The following MYO5A variants were observed in gnomAD, a reference collection of about 807,000 sequenced individuals.
MYO5A encodes unconventional myosin-Va.
MYO5A carries 98 observed loss-of-function variants against 249.7 expected under a neutral mutation model. That is an observed-to-expected ratio of 0.39 (90% CI 0.33 to 0.46). The LOEUF (loss-of-function observed/expected upper bound fraction) is 0.46. Among genes scored for constraint, MYO5A ranks in the 20% least tolerant of loss-of-function variants. The pLI, the probability that MYO5A is intolerant of heterozygous loss-of-function variation, is 0.98. For synonymous variants in MYO5A, 778 were observed against 810.6 expected, an observed-to-expected ratio of 0.96 and a Z score of 0.68; for missense variants, 1,696 against 2,308.8, an observed-to-expected ratio of 0.73 and a Z score of 5.44.
intron 40 of MYO5A, 148 bp downstream of exon 40, chr15:52,316,900 G>C: frequency 5.0e-6 from 4 of 798,762 alleles, no homozygotes; most frequent in Non-Finnish European, 8.1e-6. Flanking sequence ...AAATCTCCTT[G>C]CTTTAAGATT....
chr15:52,459,607 T>C (rs537025311), intron 1 of MYO5A, among the ~76,000 whole-genome samples: 1 of 152,344 alleles, frequency 6.6e-6, no homozygotes, highest in East Asian at 1.9e-4. Flanking sequence ...CTCCCTTTCT[T>C]TTCCCCACAT....
intron 1 of MYO5A, among the ~76,000 whole-genome samples, chr15:52,447,943 T>G (rs1005152285): frequency 1.3e-5 from 2 of 152,244 alleles, no homozygotes; most frequent in African/African-American, 4.8e-5. Context: ...CACAGAAGCC[T>G]GCTGCAGAGG....
intron 9 of MYO5A, among the ~76,000 whole-genome samples, chr15:52,404,677 C>T (rs2042917799): frequency 6.6e-6 from 1 of 152,052 alleles, no homozygotes; most frequent in Non-Finnish European, 1.5e-5. Context: ...AGAGATCTGC[C>T]TGTGAGACGT....
chr15:52,523,668 T>C (rs2077669413), intron 1 of MYO5A, among the ~76,000 whole-genome samples: 3 of 151,970 alleles, frequency 2.0e-5, no homozygotes, highest in Admixed American at 2.0e-4. Context: ...TCAACTGAAA[T>C]TAGAATTGAT....
chr15:52,526,188 ATTTT>A (rs1288932506), intron 1 of MYO5A, among the ~76,000 whole-genome samples: 1 of 151,906 alleles, frequency 6.6e-6, no homozygotes, highest in East Asian at 1.9e-4. Context: ...GTTAAAAAAA[ATTTT>A]TTTTCAACAC....
intron 34 of MYO5A, among the ~76,000 whole-genome samples, chr15:52,335,692 TTCA>T (rs919600972): frequency 2.0e-5 from 3 of 152,168 alleles, no homozygotes; most frequent in East Asian, 1.9e-4. Flanking sequence ...AAGGAATTTT[TTCA>T]TCATCATCAT....
chr15:52,432,333 C>T (rs1043472669), intron 2 of MYO5A, among the ~76,000 whole-genome samples: 3 of 152,274 alleles, frequency 2.0e-5, no homozygotes, highest in African/African-American at 7.2e-5. Flanking sequence ...AAGCATCTGC[C>T]CCAACACAAT....
chr15:52,415,851 G>C (rs2043457308), intron 5 of MYO5A, among the ~76,000 whole-genome samples: 1 of 152,158 alleles, frequency 6.6e-6, no homozygotes, highest in African/African-American at 2.4e-5. Context: ...CAGTTAATGA[G>C]GAGAAGGAAA....
chr15:52,371,537 C>T (rs1308155358), intron 21 of MYO5A, among the ~76,000 whole-genome samples: 1 of 152,084 alleles, frequency 6.6e-6, no homozygotes, highest in Non-Finnish European at 1.5e-5. Flanking sequence ...AAATAAGTAA[C>T]ATACAATATG....
At chr15:52,499,360 AT>A (rs1171978264) in intron 1 of MYO5A, among the ~76,000 whole-genome samples, 3 of 152,156 alleles carry the variant, frequency 2.0e-5, no homozygotes, top group South Asian at 2.1e-4. Flanking sequence ...AACCTTTATC[AT>A]TTTTAAGTAT....
In MYO5A at chr15:52,428,069, T is replaced by C. The variant is rs141988746; in HGVS notation, c.310+329A>G. On this transcript the variant is annotated intron_variant, in intron 3 of 41. Coordinates refer to ENST00000399233, the MANE Select transcript of MYO5A (RefSeq NM_001382347.1). ...TTGAACCTGCTCCAAAGATAAGTCC[T>C]TGGACATCTACTCTTCGTGTAGTAG... 2.3e-3 allele frequency among the ~76,000 whole-genome samples: 356 copies of C among 152,306 alleles called. 1 individual carries two copies. Among genetic ancestry groups the C allele is most frequent in the African/African-American group, 8.4e-3 (347 of 41,556 alleles).
intron 25 of MYO5A, among the ~76,000 whole-genome samples, chr15:52,356,437 T>A (rs904384223): frequency 6.6e-6 from 1 of 152,112 alleles, no homozygotes; most frequent in African/African-American, 2.4e-5. Flanking sequence ...AATAATAATG[T>A]CATTATAATT....
At chr15:52,384,420 T>C in intron 14 of MYO5A, 98 bp from the exon 15 acceptor site, 1 of 1,232,770 alleles carries the variant, frequency 8.1e-7, no homozygotes, top group Non-Finnish European at 1.2e-6. Context: ...CCTTAAGTAA[T>C]CACTGTCAGA....
chr15:52,314,538 C>CA (rs1214229616), intron 40 of MYO5A, among the ~76,000 whole-genome samples: 1 of 152,232 alleles, frequency 6.6e-6, no homozygotes, highest in Non-Finnish European at 1.5e-5. Flanking sequence ...ATGTCCTGAA[C>CA]ACCCCCTCTA....
chr15:52,371,566 T>A (rs1241840837), intron 21 of MYO5A, among the ~76,000 whole-genome samples: 1 of 152,112 alleles, frequency 6.6e-6, no homozygotes, highest in Non-Finnish European at 1.5e-5. Context: ...TCATAAAGGT[T>A]TGAAGCATTA....
chr15:52,319,133 T>C lies in MYO5A; in HGVS notation c.5161A>G (p.Ile1721Val). The stretch of plus-strand genomic sequence containing the variant: ...AGGTTGTTCAGGGTGATGGCCCCTA[T>C]GATGTAGAACATCTGCTTGACCACC... ...KQVVKQMFYIIGAITLNNLLL... is the reference protein window; with the variant it reads ...KQVVKQMFYIVGAITLNNLLL... The change falls in exon 39 of 42, where the codon ATA becomes GTA. Residue 1721 changes from isoleucine (I) to valine (V), a missense_variant. Ile to Val is a conservative substitution (Grantham distance 29). Coordinates refer to ENST00000399233, the MANE Select transcript of MYO5A (RefSeq NM_001382347.1). The C allele has an allele frequency of 1.2e-6, 2 of 1,614,210 alleles. No homozygotes were observed. Among genetic ancestry groups the C allele is most frequent in the Non-Finnish European group, 1.7e-6 (2 of 1,180,036 alleles).
rs1360154310 is a variant in MYO5A at position 52,514,708 on chromosome 15, C to T, written c.27+14072G>A. ...CATCACCTGGGAGTTGTTAGAAATGCAGGCTCATGCCCTGTCACAGACCTA... is the reference window on the plus strand; with the variant it reads ...CATCACCTGGGAGTTGTTAGAAATGTAGGCTCATGCCCTGTCACAGACCTA... On this transcript the variant is annotated intron_variant, in intron 1 of 41. Transcript: ENST00000399233. Among the ~76,000 whole-genome samples the T allele has an allele frequency of 5.3e-5, 8 of 152,308 alleles. No individual in the cohort carries two copies. In the South Asian group the frequency reaches 1.2e-3, roughly 24 times the overall value.
At chr15:52,334,036 C>T (rs894234378) in intron 34 of MYO5A, among the ~76,000 whole-genome samples, 3 of 152,146 alleles carry the variant, frequency 2.0e-5, no homozygotes, top group Non-Finnish European at 4.4e-5. Flanking sequence ...TATTATAATG[C>T]CTTTTTTGTT....
chr15:52,527,038 A>C (rs974259340), intron 1 of MYO5A, among the ~76,000 whole-genome samples: 4 of 152,180 alleles, frequency 2.6e-5, no homozygotes, highest in African/African-American at 4.8e-5. Flanking sequence ...TGCAAAAAAA[A>C]CACAACAACC....
Sources: allele counts gnomAD v4.1 joint callset (sites outside exome capture counted in the v4.1 genomes callset), GRCh38; gene constraint gnomAD v4.1.1; transcripts MANE v1.5; gene names NCBI Gene and HGNC (gene_info 2026-07-23, HGNC 2026-07-21).